Variants in GUCD1 observed in about 807,000 individuals in gnomAD.
GUCD1 encodes the protein protein GUCD1.
GUCD1 carries 17 observed loss-of-function variants against 28.3 expected under a neutral mutation model. That is an observed-to-expected ratio of 0.60 (90% CI 0.41 to 0.90). The LOEUF (loss-of-function observed/expected upper bound fraction) is 0.90. Among genes scored for constraint, GUCD1 ranks in the 40% least tolerant of loss-of-function variants. GUCD1 has a pLI of 0.00. For missense variants in GUCD1, 279 were observed against 305.5 expected, an observed-to-expected ratio of 0.91 and a Z score of 0.65; for synonymous variants, 129 against 123.3, an observed-to-expected ratio of 1.05 and a Z score of -0.30.
intron 1 of GUCD1, among the ~76,000 whole-genome samples, chr22:24,551,596 T>C (rs975167943): frequency 6.6e-6 from 1 of 152,216 alleles, no homozygotes; most frequent in African/African-American, 2.4e-5. Flanking sequence ...TCTGAAACTC[T>C]CTCCCGGCTG....
chr22:24,555,513 C>T (rs1034024261), upstream of GUCD1: 3 of 1,364,302 alleles, frequency 2.2e-6, no homozygotes, highest in African/African-American at 1.4e-5. Context: ...AAGCAACTCT[C>T]CTCCAACTGT....
chr22:24,545,807 G>A (rs1366394834), intron 4 of GUCD1, among the ~76,000 whole-genome samples: 1 of 151,812 alleles, frequency 6.6e-6, no homozygotes, highest in Non-Finnish European at 1.5e-5. Context: ...GTTTCACCAT[G>A]ATCTCGATCT....
intron 3 of GUCD1, 41 bp downstream of exon 3, chr22:24,547,867 G>A: frequency 1.2e-6 from 2 of 1,609,366 alleles, no homozygotes; most frequent in Non-Finnish European, 1.7e-6. Flanking sequence ...TTATACCTCT[G>A]TGTGGCCCCA....
chr22:24,551,254 C>A (rs1485666776), intron 1 of GUCD1, among the ~76,000 whole-genome samples: 1 of 152,198 alleles, frequency 6.6e-6, no homozygotes, highest in East Asian at 1.9e-4. Context: ...TCCTCTTAAC[C>A]CAGATGCCTC....
chr22:24,544,869 C>A (rs2147073683), intron 4 of GUCD1, among the ~76,000 whole-genome samples: 1 of 152,184 alleles, frequency 6.6e-6, no homozygotes, highest in East Asian at 1.9e-4. Flanking sequence ...AAAAATTTAC[C>A]AGGCGTGGGG....
At chr22:24,544,754 G>A (rs1378128452) in intron 4 of GUCD1, among the ~76,000 whole-genome samples, 1 of 152,194 alleles carries the variant, frequency 6.6e-6, no homozygotes, top group Non-Finnish European at 1.5e-5. Flanking sequence ...GCTCACACCT[G>A]TAATCCCAGT....
intron 3 of GUCD1, 164 bp downstream of exon 3, chr22:24,547,744 A>T: frequency 2.9e-6 from 2 of 700,542 alleles, no homozygotes; most frequent in Non-Finnish European, 4.7e-6. Flanking sequence ...CTGGCTCCCA[A>T]ATCCTGCCTA....
rs1211827762 is a variant in GUCD1 at position 24,547,950 on chromosome 22, G to A, written c.252C>T (p.Phe84=). 5 of 1,614,218 alleles carry A rather than the reference G, an allele frequency of 3.1e-6. No individual in the cohort carries two copies. The highest frequency in any genetic ancestry group is 4.2e-6 in the Non-Finnish European group (5 of 1,180,028). Residue 84 remains phenylalanine (F), a synonymous_variant, in exon 3 of 6, where the codon TTC becomes TTT. Transcript: ENST00000435822. ...TGTCGACACCCAGGGTCTGGGTACA[G>A]AAGCGGTGCCTCACGCCAAAGTGGT... ...LMHHFGVRHR[F]CTQTLGVDKG...
chr22:24,544,057 G>A lies in GUCD1; in HGVS notation c.413C>T (p.Ala138Val), dbSNP rs749512927. 23 of 1,613,534 alleles carry A rather than the reference G, an allele frequency of 1.4e-5. No homozygotes were observed. Among genetic ancestry groups the A allele is most frequent in the Admixed American group, 6.7e-5 (4 of 59,972 alleles). Residue 138 changes from alanine (A) to valine (V), a missense_variant, in exon 5 of 6, where the codon GCG becomes GTG. Coordinates refer to ENST00000435822, the MANE Select transcript of GUCD1 (RefSeq NM_001284254.2). ...GGCCACATGGCCCTGAGCCAGGTGC[G>A]CCTGGATGTCCTTCACACTCACTGT... ...KCTVSVKDIQ[A>V]HLAQGHVAIV... is the part of the protein sequence containing the mutation.
In GUCD1 at chr22:24,547,935, C is replaced by G. The variant is rs757721706; in HGVS notation, c.267G>C (p.Leu89=). The change falls in exon 3 of 6, where the codon CTG becomes CTC. Residue 89 remains leucine, a synonymous_variant. Transcript: ENST00000435822. The part of the protein sequence containing the change: ...GVRHRFCTQT[L]GVDKGYKNQS... Reference sequence around the variant, plus strand: ...GGTTCTTGTAGCCCTTGTCGACACCCAGGGTCTGGGTACAGAAGCGGTGCC... The same window carrying G: ...GGTTCTTGTAGCCCTTGTCGACACCGAGGGTCTGGGTACAGAAGCGGTGCC... 6.2e-7 allele frequency: 1 copy of G among 1,614,040 alleles called. No homozygotes were observed.
intron 4 of GUCD1, among the ~76,000 whole-genome samples, chr22:24,545,149 G>C (rs937914903): frequency 1.3e-5 from 2 of 152,182 alleles, no homozygotes; most frequent in Non-Finnish European, 2.9e-5. Context: ...CACCCACTTG[G>C]GGCCTTCCTT....
At chr22:24,551,873 G>A (rs1490561867) in intron 1 of GUCD1, among the ~76,000 whole-genome samples, 1 of 152,200 alleles carries the variant, frequency 6.6e-6, no homozygotes, top group Non-Finnish European at 1.5e-5. Flanking sequence ...AGAAATGGGT[G>A]CAGAAGATAT....
At chr22:24,544,133 T>C in intron 4 of GUCD1, 50 bp from the exon 5 acceptor site, 1 of 1,584,528 alleles carries the variant, frequency 6.3e-7, no homozygotes, top group Non-Finnish European at 8.6e-7. Flanking sequence ...CCATTCCCCA[T>C]CCCTCAAATG....
In GUCD1 at chr22:24,543,967, C is replaced by G. The variant is rs1380305417; in HGVS notation, c.503G>C (p.Cys168Ser). Reference sequence around the variant, plus strand: ...GCAGTGGTGGCCACTGGGGGTGAAGCAGCAGTACTTGACAGGGCTGGAGCA... The same window carrying G: ...GCAGTGGTGGCCACTGGGGGTGAAGGAGCAGTACTTGACAGGGCTGGAGCA... The part of the protein sequence containing the change: ...DLCSSPVKYC[C>S]FTPSGHHCFC... The change falls in exon 5 of 6, where the codon TGC (cysteine) becomes TCC (serine). Residue 168 changes from cysteine (C) to serine (S), a missense_variant. By Grantham distance (112) the Cys-to-Ser change is moderately radical (BLOSUM62 -1). Coordinates refer to ENST00000435822, the MANE Select transcript of GUCD1 (RefSeq NM_001284254.2). 6.2e-7 allele frequency: 1 copy of G among 1,613,916 alleles called. No individual in the cohort carries two copies. The highest frequency in any genetic ancestry group is 8.5e-7 in the Non-Finnish European group (1 of 1,179,982).
chr22:24,546,889 C>G, intron 4 of GUCD1, 25 bp downstream of exon 4: 1 of 1,596,120 alleles, frequency 6.3e-7, no homozygotes, highest in Non-Finnish European at 8.6e-7. Context: ...AGAGGAAGGG[C>G]AGGTAGGAAA....
intron 1 of GUCD1, among the ~76,000 whole-genome samples, chr22:24,549,983 C>T (rs1375793747): frequency 6.6e-6 from 1 of 152,226 alleles, no homozygotes; most frequent in Non-Finnish European, 1.5e-5. Context: ...GGAACTGTCA[C>T]GTAAGCTATG....
At position 24,542,976 on chromosome 22, in the gene GUCD1, C is replaced by A; in HGVS notation, c.*30G>T. 3 of 1,542,058 alleles carry A rather than the reference C, an allele frequency of 1.9e-6. No homozygotes were observed. The highest frequency in any genetic ancestry group is 2.7e-6 in the Non-Finnish European group (3 of 1,114,766). On this transcript the variant is annotated 3_prime_UTR_variant, in exon 6 of 6. Coordinates refer to ENST00000435822, the MANE Select transcript of GUCD1 (RefSeq NM_001284254.2). Reference sequence around the variant, plus strand: ...GCCCGGCTGGGGTGGGGATGGGGTCCGAGGGCCTAGGCGCACCAGGCTCCT... The same window carrying A: ...GCCCGGCTGGGGTGGGGATGGGGTCAGAGGGCCTAGGCGCACCAGGCTCCT...
At chr22:24,546,775 C>A in intron 4 of GUCD1, 139 bp downstream of exon 4, 2 of 729,974 alleles carry the variant, frequency 2.7e-6, no homozygotes, top group East Asian at 2.6e-5. Context: ...AGTCAGTGCC[C>A]ACAGCCACCC....
chr22:24,555,422 A>G, upstream of GUCD1: 2 of 1,190,594 alleles, frequency 1.7e-6, no homozygotes, highest in Non-Finnish European at 2.3e-6. Flanking sequence ...CCCTTCGGCA[A>G]GCCCCGCCTC....
Sources: gnomAD v4.1 joint callset for allele counts (sites outside exome capture counted in the v4.1 genomes callset) on GRCh38, gnomAD v4.1.1 for gene constraint, MANE v1.5 for transcripts, NCBI Gene and HGNC (gene_info 2026-07-23, HGNC 2026-07-21) for gene names.